Variants in NLRP2 observed in about 807,000 individuals in gnomAD.
The protein encoded by NLRP2 is NACHT, LRR and PYD domains-containing protein 2.
A neutral mutation model predicts 97.2 loss-of-function variants in NLRP2; 107 were observed. That is an observed-to-expected ratio of 1.10 (90% CI 0.94 to 1.29). NLRP2 has a LOEUF of 1.29. Among genes scored for constraint, NLRP2 ranks in the 50% most tolerant of loss-of-function variants. The pLI is 0.00. For missense variants in NLRP2, 1,495 were observed against 1,330.3 expected, an observed-to-expected ratio of 1.12 and a Z score of -1.93; for synonymous variants, 663 against 551.5, an observed-to-expected ratio of 1.20 and a Z score of -2.83.
chr19:54,993,785 C>T (rs1053915824), intron 10 of NLRP2: 8 of 261,612 alleles, frequency 3.1e-5, no homozygotes, highest in Admixed American at 1.0e-4. Flanking sequence ...ACAAGAATCG[C>T]GTGAAACCAG....
At position 54,990,630 on chromosome 19, in the gene NLRP2, G is replaced by A; in HGVS notation, c.2666G>A (p.Cys889Tyr). 7 of 1,614,170 alleles carry A rather than the reference G, an allele frequency of 4.3e-6. No homozygotes were observed. The highest frequency in any genetic ancestry group is 1.1e-5 in the South Asian group (1 of 91,078). Residue 889 changes from cysteine to tyrosine, a missense_variant, in exon 10 of 13, where the codon TGT becomes TAT. By Grantham distance (194) the Cys-to-Tyr change is radical. Coordinates refer to ENST00000448584, the MANE Select transcript of NLRP2 (RefSeq NM_017852.5). ...GGGAATACAGGGGTGAAGTTTCTGT[G>A]TGAGGGCTTGAGGTACCCCGAGTGT... ...PIGNTGVKFL[C>Y]EGLRYPECKL...
At chr19:55,000,479 C>T (rs1052901516) in intron 12 of NLRP2, among the ~76,000 whole-genome samples, 16 of 150,510 alleles carry the variant, frequency 1.1e-4, no homozygotes, top group Non-Finnish European at 1.8e-4. Context: ...AGGGTTTCAC[C>T]GTGTTAGCCA....
In NLRP2 at chr19:54,983,107, T is replaced by C. The variant is rs2071739766; in HGVS notation, c.1409T>C (p.Leu470Pro). Residue 470 changes from leucine (L) to proline (P), a missense_variant, in exon 6 of 13, where the codon CTG becomes CCG. Transcript: ENST00000448584. ...ACGTCCGTGCTTCACCGAGAGGATC[T>C]GGAAAGGCTCGGGGTGCAGGAGTCC... ...AQTSVLHRED[L>P]ERLGVQESDL... 4 of 1,613,388 alleles carry C rather than the reference T, an allele frequency of 2.5e-6. No homozygotes were observed. Among genetic ancestry groups the C allele is most frequent in the Non-Finnish European group, 3.4e-6 (4 of 1,179,954 alleles).
At chr19:54,998,025 CTT>C (rs757893808) in intron 12 of NLRP2, among the ~76,000 whole-genome samples, 14 of 127,282 alleles carry the variant, frequency 1.1e-4, no homozygotes, top group East Asian at 9.0e-4. Flanking sequence ...TTTTTTCTTT[CTT>C]TTTTTTTTTT....
rs368137061 is a variant in NLRP2 at position 54,988,909 on chromosome 19, C to T, written c.2367-1113C>T. Among the ~76,000 whole-genome samples, 111 of 152,178 alleles carry T rather than the reference C, an allele frequency of 7.3e-4. 1 individual carries two copies. The highest frequency in any genetic ancestry group is 2.6e-3 in the African/African-American group (106 of 41,564). On this transcript the variant is annotated intron_variant, in intron 8 of 12. Transcript: ENST00000448584. ...AGTGGGCTGGGTATGGTGGCTCCTG[C>T]CTGTAATCCCAGTACTTTGGGAGGC... is the stretch of plus-strand genomic sequence containing the variant.
In NLRP2 at chr19:54,989,268, T is replaced by G. The variant is rs539515391; in HGVS notation, c.2367-754T>G. Among the ~76,000 whole-genome samples the G allele has an allele frequency of 1.7e-4, 25 of 151,120 alleles. 1 individual carries two copies. The East Asian group carries it at 5.1e-3, about 31-fold the overall frequency. The stretch of plus-strand genomic sequence containing the variant: ...ATTGCCCCGGCCAAAGTTAGGAGTT[T>G]GAGACCAGCCTGGCCAACATGGTAA... On this transcript the variant is annotated intron_variant, in intron 8 of 12. Transcript: ENST00000448584.
intron 4 of NLRP2, among the ~76,000 whole-genome samples, chr19:54,980,275 T>A (rs1166514276): frequency 3.3e-5 from 5 of 151,754 alleles, no homozygotes; most frequent in African/African-American, 1.2e-4. Context: ...CTCGGCTCAC[T>A]GCAAGCTCCA....
intron 5 of NLRP2, 43 bp downstream of exon 5, chr19:54,981,725 C>T (rs766061240): frequency 3.6e-6 from 4 of 1,102,230 alleles, no homozygotes; most frequent in Non-Finnish European, 5.6e-6. Context: ...GATCAGATTT[C>T]TCTTTATAAA....
In NLRP2 at chr19:54,969,857, A is replaced by G. The variant is rs73932258; in HGVS notation, c.-17-142A>G. The G allele has an allele frequency of 0.014, 10,960 of 798,712 alleles. 773 individuals carry two copies. The African/African-American group carries it at 0.16, about 11-fold the overall frequency. The allele number at this position is 798,712 out of a possible 1,614,324, so 49.5% of individuals were successfully genotyped here. A position where few individuals can be genotyped will look rare whatever the true frequency, so the allele number is the denominator to read the frequency against. On this transcript the variant is annotated intron_variant, in intron 1 of 12. Transcript: ENST00000448584. ...TTTTCATGGAGATGGGGGTCTCACT[A>G]TGTTGCCCAGGCTGGGAGTTTGTTC...
intron 2 of NLRP2, among the ~76,000 whole-genome samples, chr19:54,972,832 G>C (rs961466202): frequency 6.6e-6 from 1 of 152,030 alleles, no homozygotes; most frequent in Non-Finnish European, 1.5e-5. Flanking sequence ...TAAAAAATGT[G>C]CCCGTTGGGT....
intron 8 of NLRP2, among the ~76,000 whole-genome samples, chr19:54,988,797 C>T (rs376500211): frequency 2.6e-5 from 4 of 152,190 alleles, no homozygotes; most frequent in South Asian, 2.1e-4. Context: ...GGATTACAGG[C>T]ATGAGCCACT....
At chr19:54,993,981 T>G (rs1387176671) in intron 10 of NLRP2, 8 of 515,914 alleles carry the variant, frequency 1.6e-5, no homozygotes, top group Non-Finnish European at 2.5e-5. Flanking sequence ...CTCCCTCTTA[T>G]GAGGATCCCT....
chr19:54,983,265 G>A lies in NLRP2; in HGVS notation c.1567G>A (p.Glu523Lys). ...LFYTLEKEEE[E>K]DRDGHTWDIG... Reference sequence around the variant, plus strand: ...CTACACCCTGGAGAAGGAGGAGGAAGAGGATAGGGACGGCCACACCTGGGA... The same window carrying A: ...CTACACCCTGGAGAAGGAGGAGGAAAAGGATAGGGACGGCCACACCTGGGA... The change falls in exon 6 of 13, where the codon GAG (glutamate) becomes AAG (lysine). Residue 523 changes from glutamate (E) to lysine (K), a missense_variant. By Grantham distance (56) the Glu-to-Lys change is moderately conservative. Coordinates refer to ENST00000448584, the MANE Select transcript of NLRP2 (RefSeq NM_017852.5). 1 of 1,612,858 alleles carries A rather than the reference G, an allele frequency of 6.2e-7. No individual in the cohort carries two copies. Among genetic ancestry groups the A allele is most frequent in the Non-Finnish European group, 8.5e-7 (1 of 1,178,978 alleles).
rs571908785 is a variant in NLRP2 at position 54,998,313 on chromosome 19, C to T, written c.3050+826C>T. Among the ~76,000 whole-genome samples, 62 of 152,064 alleles carry T rather than the reference C, an allele frequency of 4.1e-4. 1 individual carries two copies. Among genetic ancestry groups the T allele is most frequent in the African/African-American group, 1.0e-3 (43 of 41,484 alleles). On this transcript the variant is annotated intron_variant, in intron 12 of 12. Transcript: ENST00000448584. ...GATTACAGGCATGAGCCACCGCACC[C>T]GGCCTGAGTTGTATTTTGATACCAT...
intron 12 of NLRP2, among the ~76,000 whole-genome samples, chr19:55,000,329 T>A (rs2073111062): frequency 8.4e-6 from 1 of 118,630 alleles, no homozygotes; most frequent in Non-Finnish European, 1.6e-5. Flanking sequence ...CAGGCTGGAG[T>A]ACAGTGGCAC....
chr19:54,999,568 C>T lies in NLRP2; in HGVS notation c.3051-1192C>T, dbSNP rs542307743. Among the ~76,000 whole-genome samples, 65 of 152,214 alleles carry T rather than the reference C, an allele frequency of 4.3e-4. 1 individual carries two copies. The highest frequency in any genetic ancestry group is 1.5e-3 in the African/African-American group (64 of 41,534). On this transcript the variant is annotated intron_variant, in intron 12 of 12. Coordinates refer to ENST00000448584, the MANE Select transcript of NLRP2 (RefSeq NM_017852.5). ...CAGCTGTACTCAGCAATTCCATTTTCTGTGTATGATAATCAACAAGCATCT... is the reference window on the plus strand; with the variant it reads ...CAGCTGTACTCAGCAATTCCATTTTTTGTGTATGATAATCAACAAGCATCT...
rs2072401533 is a variant in NLRP2 at position 54,990,532 on chromosome 19, T to C, written c.2568T>C (p.Asn856=). Residue 856 remains asparagine (N), a synonymous_variant, in exon 10 of 13, where the codon AAT becomes AAC. Transcript: ENST00000448584. ...AAAACTGTCACCTTACAGAAGCCAA[T>C]TGCAAGGACCTTGCTGCTGTGTTGG... ...SLENCHLTEA[N]CKDLAAVLVV... is the part of the protein sequence containing the mutation. 2.5e-6 allele frequency: 4 copies of C among 1,614,070 alleles called. No individual in the cohort carries two copies. The highest frequency in any genetic ancestry group is 3.4e-6 in the Non-Finnish European group (4 of 1,180,046).
rs769229348 is a variant in NLRP2 at position 54,970,192 on chromosome 19, C to T, written c.177C>T (p.Leu59=). Residue 59 remains leucine, a synonymous_variant, in exon 2 of 13, where the codon CTC becomes CTT. Coordinates refer to ENST00000448584, the MANE Select transcript of NLRP2 (RefSeq NM_017852.5). The part of the protein sequence containing the change: ...KADGKQLVEI[L]TTHCDSYWVE... ...ATGGGAAGCAACTGGTAGAAATCCTCACCACCCATTGTGACAGCTACTGGG... is the reference window on the plus strand; with the variant it reads ...ATGGGAAGCAACTGGTAGAAATCCTTACCACCCATTGTGACAGCTACTGGG... The T allele has an allele frequency of 6.2e-7, 1 of 1,614,120 alleles. No individual in the cohort carries two copies. Among genetic ancestry groups the T allele is most frequent in the Non-Finnish European group, 8.5e-7 (1 of 1,180,028 alleles).
chr19:54,983,168 C>T lies in NLRP2; in HGVS notation c.1470C>T (p.Arg490=). Residue 490 remains arginine (R), a synonymous_variant, in exon 6 of 13, where the codon CGC becomes CGT. Transcript: ENST00000448584. ...TGTTCCTGGACGGAGACATCCTCCG[C>T]CAGGACAGAGTCTCCAAAGGCTGCT... ...LRLFLDGDIL[R]QDRVSKGCYS... The T allele has an allele frequency of 6.2e-7, 1 of 1,614,024 alleles. No individual in the cohort carries two copies. The highest frequency in any genetic ancestry group is 1.1e-5 in the South Asian group (1 of 91,074).
Sources: allele counts gnomAD v4.1 joint callset (sites outside exome capture counted in the v4.1 genomes callset), GRCh38; gene constraint gnomAD v4.1.1; transcripts MANE v1.5; gene names NCBI Gene and HGNC (gene_info 2026-07-23, HGNC 2026-07-21).